Variants in PCDH9 observed in about 807,000 individuals in gnomAD.
PCDH9 encodes protocadherin-9.
PCDH9 carries 24 observed loss-of-function variants against 70.6 expected under a neutral mutation model. The observed-to-expected ratio is 0.34, with a 90% CI of 0.25 to 0.48. The LOEUF (loss-of-function observed/expected upper bound fraction) is 0.48, where lower values mean the gene tolerates loss of function less well. Among genes scored for constraint, PCDH9 ranks in the 20% least tolerant of loss-of-function variants. The probability of loss-of-function intolerance (pLI) is 0.99; values close to 1 mark genes in which losing one functional copy is unlikely to be tolerated. For missense variants in PCDH9, 1,281 were observed against 1,503.6 expected, an observed-to-expected ratio of 0.85 and a Z score of 2.45; for synonymous variants, 562 against 558.5, an observed-to-expected ratio of 1.01 and a Z score of -0.09.
intron 3 of PCDH9, among the ~76,000 whole-genome samples, chr13:66,814,293 G>T (rs2080563109): frequency 6.6e-6 from 1 of 152,060 alleles, no homozygotes; most frequent in African/African-American, 2.4e-5. Context: ...TTAAGCTCCA[G>T]CAACTGCAGC....
intron 3 of PCDH9, among the ~76,000 whole-genome samples, chr13:66,783,810 T>G (rs1039598911): frequency 6.6e-6 from 1 of 152,158 alleles, no homozygotes; most frequent in Non-Finnish European, 1.5e-5. Context: ...ATTTACTGAC[T>G]TACTTTAGGT....
At chr13:66,637,045 CTTATTT>C (rs923560413) in intron 3 of PCDH9, among the ~76,000 whole-genome samples, 72 of 152,128 alleles carry the variant, frequency 4.7e-4, no homozygotes, top group African/African-American at 1.7e-3. Context: ...TTTGAACTTT[CTTATTT>C]TTATAAGAAC....
At chr13:66,535,717 CTT>C (rs1960669893) in intron 4 of PCDH9, among the ~76,000 whole-genome samples, 2 of 152,042 alleles carry the variant, frequency 1.3e-5, no homozygotes, top group Non-Finnish European at 2.9e-5. Context: ...ACTCAAGAGA[CTT>C]GAATCTCAAA....
chr13:66,456,375 C>T (rs1490119356), intron 4 of PCDH9, among the ~76,000 whole-genome samples: 1 of 152,078 alleles, frequency 6.6e-6, no homozygotes, highest in Non-Finnish European at 1.5e-5. Flanking sequence ...GATCCTTCTG[C>T]CTCAATCTCC....
intron 2 of PCDH9, among the ~76,000 whole-genome samples, chr13:66,966,043 T>C (rs967889412): frequency 2.0e-5 from 3 of 152,236 alleles, no homozygotes; most frequent in African/African-American, 4.8e-5. Context: ...CATGAAGAAA[T>C]AGCTGAATTG....
At chr13:67,154,575 CAAAAAAAA>C in intron 2 of PCDH9, among the ~76,000 whole-genome samples, 1 of 37,270 alleles carries the variant, frequency 2.7e-5, no homozygotes, top group South Asian at 1.4e-3. Context: ...GACCCTGTCT[CAAAAAAAA>C]AAAAAAAAAA....
At chr13:66,724,043 T>C (rs962616553) in intron 3 of PCDH9, among the ~76,000 whole-genome samples, 4 of 152,146 alleles carry the variant, frequency 2.6e-5, no homozygotes, top group African/African-American at 9.7e-5. Context: ...AGTAAAGAAA[T>C]GAAAGTCACC....
chr13:66,498,829 G>T (rs1959157318), intron 4 of PCDH9, among the ~76,000 whole-genome samples: 2 of 151,868 alleles, frequency 1.3e-5, no homozygotes, highest in Admixed American at 6.6e-5. Flanking sequence ...TGTTACAGTT[G>T]TGTCTTCAGT....
chr13:66,948,826 C>T (rs997853207), intron 2 of PCDH9, among the ~76,000 whole-genome samples: 1 of 152,030 alleles, frequency 6.6e-6, no homozygotes, highest in Non-Finnish European at 1.5e-5. Flanking sequence ...ATTTGAAAGC[C>T]TCCTTAAATT....
intron 3 of PCDH9, among the ~76,000 whole-genome samples, chr13:66,740,801 A>T (rs1262694174): frequency 1.2e-3 from 184 of 149,706 alleles, no homozygotes; most frequent in Non-Finnish European, 2.4e-3. Context: ...GAAGAAGTTG[A>T]ATCTCTGAAT....
intron 2 of PCDH9, among the ~76,000 whole-genome samples, chr13:66,961,449 T>C (rs1170838986): frequency 1.3e-5 from 2 of 152,228 alleles, no homozygotes; most frequent in Non-Finnish European, 2.9e-5. Context: ...AAGGAAGGAA[T>C]AGAAGCCTAT....
At chr13:67,166,492 A>G (rs1457300117) in intron 2 of PCDH9, among the ~76,000 whole-genome samples, 2 of 152,174 alleles carry the variant, frequency 1.3e-5, no homozygotes, top group Admixed American at 1.3e-4. Context: ...AATGGACCTT[A>G]ACTATGACAT....
intron 4 of PCDH9, among the ~76,000 whole-genome samples, chr13:66,507,420 A>T (rs1172677943): frequency 6.6e-6 from 1 of 152,136 alleles, no homozygotes; most frequent in Non-Finnish European, 1.5e-5. Context: ...AGAAGAGGTG[A>T]GCTTTCTTTC....
intron 3 of PCDH9, among the ~76,000 whole-genome samples, chr13:66,640,267 A>G (rs1429753991): frequency 6.6e-6 from 1 of 152,200 alleles, no homozygotes; most frequent in Non-Finnish European, 1.5e-5. Flanking sequence ...TTATAACAAA[A>G]ATGGAATCTG....
intron 4 of PCDH9, among the ~76,000 whole-genome samples, chr13:66,517,953 G>C (rs1468245822): frequency 6.6e-6 from 1 of 152,036 alleles, no homozygotes; most frequent in Admixed American, 6.6e-5. Context: ...AAAATGAATG[G>C]ACATGTTCTA....
chr13:66,356,984 C>G lies in PCDH9; in HGVS notation c.3341-51956G>C, dbSNP rs937897200. On this transcript the variant is annotated intron_variant, in intron 4 of 4. Transcript: ENST00000377865. ...GCCCGGCAATGCACTTTAAAGCCCG[C>G]CTTTCCATTTCCCCATACCAGTGTG... Among the ~76,000 whole-genome samples the G allele has an allele frequency of 4.6e-5, 7 of 151,974 alleles. No individual in the cohort carries two copies. The East Asian group carries it at 1.2e-3, about 25-fold the overall frequency.
intron 2 of PCDH9, among the ~76,000 whole-genome samples, chr13:67,020,900 C>A (rs1403686196): frequency 6.6e-6 from 1 of 152,078 alleles, no homozygotes; most frequent in Non-Finnish European, 1.5e-5. Context: ...TATGAGATTT[C>A]TGTTGGTAGT....
At chr13:66,958,854 G>A (rs1039959887) in intron 2 of PCDH9, among the ~76,000 whole-genome samples, 5 of 152,062 alleles carry the variant, frequency 3.3e-5, no homozygotes, top group South Asian at 2.1e-4. Flanking sequence ...GCAGAGATTC[G>A]TCATGCTATG....
chr13:67,084,192 A>G (rs2086045691), intron 2 of PCDH9, among the ~76,000 whole-genome samples: 1 of 152,194 alleles, frequency 6.6e-6, no homozygotes, highest in South Asian at 2.1e-4. Context: ...GCAACATCTT[A>G]ACATGTGTCT....
Sources: gnomAD v4.1 joint callset for allele counts (sites outside exome capture counted in the v4.1 genomes callset) on GRCh38, gnomAD v4.1.1 for gene constraint, MANE v1.5 for transcripts, NCBI Gene and HGNC (gene_info 2026-07-23, HGNC 2026-07-21) for gene names.